The following CNTN3 variants were observed in gnomAD, a reference collection of about 807,000 sequenced individuals.
The protein encoded by CNTN3 is contactin 3.
CNTN3 carries 60 observed loss-of-function variants against 119.1 expected under a neutral mutation model. That is an observed-to-expected ratio of 0.50 (90% confidence interval 0.41 to 0.62). The LOEUF (loss-of-function observed/expected upper bound fraction) is 0.62. CNTN3 is among the 20% of genes least tolerant of loss of function. The pLI is 0.00. For synonymous variants in CNTN3, 450 were observed against 438.7 expected (o/e 1.03, Z -0.32); for missense variants, 1,101 against 1,242.4 (o/e 0.89, Z 1.71).
intron 1 of CNTN3, among the ~76,000 whole-genome samples, chr3:74,527,791 T>G (rs1470199677): frequency 6.6e-6 from 1 of 151,964 alleles, no homozygotes; most frequent in African/African-American, 2.4e-5. Context: ...TGGATGACTA[T>G]TTGTACTTGA....
rs147541945 is a variant in CNTN3 at position 74,313,386 on chromosome 3, C to T, written c.1669-10579G>A. ...AAACAGAAAGTCACAAAAACTAAAA[C>T]AAGCAAACAAAACCCAAGAAATAAA... is the stretch of plus-strand genomic sequence containing the variant. On this transcript the variant is annotated intron_variant, in intron 13 of 22. Coordinates refer to ENST00000263665, the MANE Select transcript of CNTN3 (RefSeq NM_020872.3). 2.5e-3 allele frequency among the ~76,000 whole-genome samples: 381 copies of T among 151,580 alleles called. 3 individuals are homozygous for T. Among genetic ancestry groups the T allele is most frequent in the African/African-American group, 8.7e-3 (361 of 41,326 alleles).
intron 4 of CNTN3, among the ~76,000 whole-genome samples, chr3:74,445,879 G>C (rs1208824395): frequency 6.6e-6 from 1 of 152,130 alleles, no homozygotes; most frequent in African/African-American, 2.4e-5. Flanking sequence ...TGAAATTGGG[G>C]CTGCCACGTA....
chr3:74,576,839 G>A (rs17012652), intron 1 of CNTN3, among the ~76,000 whole-genome samples: 49,452 of 151,584 alleles, frequency 0.33, 8,718 homozygotes, highest in East Asian at 0.56. Flanking sequence ...GCCTTAAATC[G>A]TACTTCCCTA....
intron 1 of CNTN3, among the ~76,000 whole-genome samples, chr3:74,590,298 A>G (rs572258472): frequency 1.3e-5 from 2 of 152,092 alleles, no homozygotes; most frequent in South Asian, 4.1e-4. Context: ...ATACTTTCCA[A>G]TTCAGGACAG....
chr3:74,349,286 A>G (rs1703762485), intron 11 of CNTN3, among the ~76,000 whole-genome samples: 1 of 152,208 alleles, frequency 6.6e-6, no homozygotes, highest in Non-Finnish European at 1.5e-5. Context: ...ACAAACAGAC[A>G]TAATACACTG....
At chr3:74,607,298 G>A (rs2106713223) in intron 1 of CNTN3, among the ~76,000 whole-genome samples, 1 of 152,252 alleles carries the variant, frequency 6.6e-6, no homozygotes, top group South Asian at 2.1e-4. Context: ...GAGGCGGCCA[G>A]ACCAAGTGAG....
At chr3:74,353,018 C>T (rs556711846) in intron 11 of CNTN3, among the ~76,000 whole-genome samples, 1 of 152,110 alleles carries the variant, frequency 6.6e-6, no homozygotes, top group Non-Finnish European at 1.5e-5. Context: ...ATGGGAGTGG[C>T]ATTTTGAACA....
chr3:74,514,864 A>G (rs561939061), intron 2 of CNTN3, among the ~76,000 whole-genome samples: 10 of 152,272 alleles, frequency 6.6e-5, no homozygotes, highest in East Asian at 5.8e-4. Flanking sequence ...TCTGTGGGAA[A>G]AGAGAAAACA....
At chr3:74,437,955 A>G (rs1701899163) in intron 4 of CNTN3, among the ~76,000 whole-genome samples, 3 of 152,214 alleles carry the variant, frequency 2.0e-5, no homozygotes. Flanking sequence ...TATTTTCAAG[A>G]CTATTACACA....
At position 74,264,276 on chromosome 3, in the gene CNTN3, A is replaced by G. The variant is rs1701626799; in HGVS notation, c.*125T>C. The G allele has an allele frequency of 2.2e-6, 1 of 446,810 alleles. No homozygotes were observed. The highest frequency in any genetic ancestry group is 4.0e-6 in the Non-Finnish European group (1 of 247,966). The allele number at this position is 446,810 out of a possible 1,614,324, so 27.7% of individuals were successfully genotyped here. A position where few individuals can be genotyped will look rare whatever the true frequency, so the allele number is the denominator to read the frequency against. ...TGTTTTTTTAATTATATTCATATTTACCTATAATGAAGTAGAAAGTTAAAA... is the reference window on the plus strand; with the variant it reads ...TGTTTTTTTAATTATATTCATATTTGCCTATAATGAAGTAGAAAGTTAAAA... On this transcript the variant is annotated 3_prime_UTR_variant, in exon 23 of 23. Coordinates refer to ENST00000263665, the MANE Select transcript of CNTN3 (RefSeq NM_020872.3).
rs772308960 is a variant in CNTN3, at chr3:74,453,557, GC to G, written c.359-28618del. Among the ~76,000 whole-genome samples, 510 of 151,858 alleles carry G rather than the reference GC, an allele frequency of 3.4e-3. 3 individuals carry two copies. Among genetic ancestry groups the G allele is most frequent in the Non-Finnish European group, 4.9e-3 (332 of 67,954 alleles). On this transcript the variant is annotated intron_variant, in intron 4 of 22. Coordinates refer to ENST00000263665, the MANE Select transcript of CNTN3 (RefSeq NM_020872.3). ...CTTAGTTATTTCTTGCCTTCTGCTA[GC>G]TTTTGAATGTGTTTGCTCTTGCTTT...
rs143021649 is a variant in CNTN3, at chr3:74,285,409, C to T, written c.2600G>A (p.Arg867Gln). The T allele has an allele frequency of 0.033, 52,792 of 1,613,256 alleles. 1,115 individuals carry two copies. Among genetic ancestry groups the T allele is most frequent in the Middle Eastern group, 0.088 (535 of 6,058 alleles). ...ATAGGCCAGGTTGCTCTTCAGGCCC[C>T]GTAGTCTGGCTGATGTCTCATTTCC... ...VAGNETSARL[R>Q]GLKSNLAYYT... The change falls in exon 20 of 23, where the codon CGG becomes CAG. Residue 867 changes from arginine to glutamine, a missense_variant. Coordinates refer to ENST00000263665, the MANE Select transcript of CNTN3 (RefSeq NM_020872.3).
chr3:74,314,543 A>G (rs925792098), intron 13 of CNTN3, among the ~76,000 whole-genome samples: 1 of 152,216 alleles, frequency 6.6e-6, no homozygotes, highest in Non-Finnish European at 1.5e-5. Flanking sequence ...GATTAAGGAA[A>G]GTTGTCAGGG....
At chr3:74,521,475 T>G (rs1703542601) in intron 1 of CNTN3, among the ~76,000 whole-genome samples, 1 of 151,400 alleles carries the variant, frequency 6.6e-6, no homozygotes, top group African/African-American at 2.4e-5. Flanking sequence ...TTTTGCTAGA[T>G]AATTTCAAGA....
At chr3:74,597,687 T>C (rs1430316535) in intron 1 of CNTN3, among the ~76,000 whole-genome samples, 2 of 152,062 alleles carry the variant, frequency 1.3e-5, no homozygotes, top group Non-Finnish European at 2.9e-5. Context: ...TCACAACATA[T>C]TTAAAACAAG....
rs1167656802 is a variant in CNTN3, at chr3:74,264,374, C to T, written c.*27G>A. 2.2e-5 allele frequency: 28 copies of T among 1,299,562 alleles called. No homozygotes were observed. The highest frequency in any genetic ancestry group is 3.1e-5 in the African/African-American group (2 of 65,420). 80.5% of individuals were successfully genotyped at this position (1,299,562 alleles called of 1,614,324 possible). ...CTTTTTTTGGTAACCAAATAACTTT[C>T]CAATAAATAATAAAAAGGAGTTAAT... On this transcript the variant is annotated 3_prime_UTR_variant, in exon 23 of 23. Transcript: ENST00000263665.
At chr3:74,370,952 A>C (rs1337082246) in intron 6 of CNTN3, among the ~76,000 whole-genome samples, 1 of 152,096 alleles carries the variant, frequency 6.6e-6, no homozygotes, top group East Asian at 1.9e-4. Flanking sequence ...TTTTTGAAAA[A>C]GGGGCCACTC....
At chr3:74,285,706 T>G (rs1163921197) in intron 19 of CNTN3, among the ~76,000 whole-genome samples, 1 of 144,650 alleles carries the variant, frequency 6.9e-6, no homozygotes, top group Non-Finnish European at 1.5e-5. Context: ...AATGAACAAA[T>G]AAATATATGA....
intron 5 of CNTN3, among the ~76,000 whole-genome samples, chr3:74,372,233 C>T (rs544702575): frequency 2.0e-5 from 3 of 152,160 alleles, no homozygotes; most frequent in Admixed American, 2.0e-4. Context: ...CAAAATGAAA[C>T]ACTCAAAGGC....
Sources: gnomAD v4.1 joint callset for allele counts (sites outside exome capture counted in the v4.1 genomes callset) on GRCh38, gnomAD v4.1.1 for gene constraint, MANE v1.5 for transcripts, NCBI Gene and HGNC (gene_info 2026-07-23, HGNC 2026-07-21) for gene names.